ERO1B: variants seen among roughly 807,000 people sequenced by gnomAD.
The protein encoded by ERO1B is ERO1-like protein beta.
Under a neutral mutation model 75.3 loss-of-function variants are expected in ERO1B, and 49 were observed. The observed-to-expected ratio is 0.65, with a 90% confidence interval of 0.52 to 0.83. ERO1B has a LOEUF of 0.83. Ranked by LOEUF, ERO1B falls within the 40% of genes least tolerant of loss-of-function variation. The probability of loss-of-function intolerance (pLI) is 0.00; values close to 1 mark genes in which losing one functional copy is unlikely to be tolerated. For missense variants in ERO1B, 512 were observed against 560.1 expected, an observed-to-expected ratio of 0.91 and a Z score of 0.87; for synonymous variants, 191 against 192.9, an observed-to-expected ratio of 0.99 and a Z score of 0.08.
chr1:236,278,993 C>T (rs940782074), intron 1 of ERO1B, among the ~76,000 whole-genome samples: 2 of 152,290 alleles, frequency 1.3e-5, no homozygotes, highest in South Asian at 2.1e-4. Flanking sequence ...CTGAATTCCA[C>T]TTTTTGATTT....
chr1:236,229,098 A>G (rs927690388), intron 10 of ERO1B, among the ~76,000 whole-genome samples: 23 of 152,206 alleles, frequency 1.5e-4, no homozygotes, highest in African/African-American at 2.4e-5. Flanking sequence ...TGTTCACCTT[A>G]ATAATGGCCA....
intron 4 of ERO1B, among the ~76,000 whole-genome samples, chr1:236,250,923 T>C (rs1376909605): frequency 6.6e-6 from 1 of 152,014 alleles, no homozygotes; most frequent in African/African-American, 2.4e-5. Flanking sequence ...CCTTTACAGG[T>C]AGACCTAGAG....
chr1:236,223,930 G>T (rs754632023), intron 13 of ERO1B, among the ~76,000 whole-genome samples: 1 of 152,032 alleles, frequency 6.6e-6, no homozygotes, highest in African/African-American at 2.4e-5. Flanking sequence ...AGAAAGTCTC[G>T]CCAAAGGAGA....
At chr1:236,239,013 T>C (rs551373533) in intron 6 of ERO1B, among the ~76,000 whole-genome samples, 2 of 152,120 alleles carry the variant, frequency 1.3e-5, no homozygotes, top group Non-Finnish European at 2.9e-5. Context: ...CTCGAACTCC[T>C]GAGCTCAAGC....
chr1:236,276,378 C>A (rs12068477), intron 1 of ERO1B, among the ~76,000 whole-genome samples: 6,086 of 152,222 alleles, frequency 0.04, 372 homozygotes, highest in African/African-American at 0.14. Flanking sequence ...AGAGTACAAG[C>A]TTTGAACCCT....
chr1:236,239,135 G>A (rs1050324592), intron 6 of ERO1B, among the ~76,000 whole-genome samples: 2 of 152,032 alleles, frequency 1.3e-5, no homozygotes, highest in Non-Finnish European at 2.9e-5. Flanking sequence ...CATTTTCAAT[G>A]TTCTTAATGT....
At chr1:236,239,875 A>ATG (rs1664650497) in intron 6 of ERO1B, among the ~76,000 whole-genome samples, 1 of 123,640 alleles carries the variant, frequency 8.1e-6, no homozygotes, top group Non-Finnish European at 1.6e-5. Flanking sequence ...ATATATGTGT[A>ATG]TATGTGTGTG....
chr1:236,218,934 T>C (rs1195063331), intron 15 of ERO1B, among the ~76,000 whole-genome samples: 3 of 152,180 alleles, frequency 2.0e-5, no homozygotes, highest in Non-Finnish European at 2.9e-5. Flanking sequence ...ATTTGTCTTA[T>C]GTTGTTAGCT....
chr1:236,269,676 G>A (rs1472123005), intron 2 of ERO1B, among the ~76,000 whole-genome samples, 199 bp downstream of exon 2: 1 of 152,116 alleles, frequency 6.6e-6, no homozygotes, highest in Non-Finnish European at 1.5e-5. Context: ...GAAAAATGAG[G>A]AACTCCCCAT....
intron 5 of ERO1B, among the ~76,000 whole-genome samples, chr1:236,246,314 T>C (rs2764568): frequency 0.96 from 146,394 of 152,158 alleles, 70,676 homozygotes; most frequent in East Asian, 1. Context: ...GACTATAGGC[T>C]CATGCCACTG....
chr1:236,250,037 TAATC>T (rs990679866), intron 4 of ERO1B, 70 bp from the exon 5 acceptor site: 8 of 1,013,840 alleles, frequency 7.9e-6, no homozygotes, highest in Non-Finnish European at 1.2e-5. Context: ...ATTGGCAGAA[TAATC>T]AATCTGTCAA....
At position 236,269,927 on chromosome 1, in the gene ERO1B, AT is replaced by A. The variant is rs1254507583; in HGVS notation, c.169del (p.Ile57SerfsTer5). On this transcript the variant is annotated frameshift_variant, in exon 2 of 16. Transcript: ENST00000354619. LOFTEE classifies it high-confidence loss of function. ...DSIDNFNTYK[I>X]FPKIKKLQER... is the part of the protein sequence containing the mutation. ...TTGCAATTTTTTTATTTTGGGGAAG[AT>A]TTTGTAGGTATTGAAGTTATCGATG... 6.2e-7 allele frequency: 1 copy of A among 1,605,288 alleles called. No individual in the cohort carries two copies. Among genetic ancestry groups the A allele is most frequent in the Admixed American group, 1.7e-5 (1 of 59,980 alleles).
chr1:236,217,064 A>G lies in ERO1B; in HGVS notation c.*1452T>C, dbSNP rs557244057. 1.3e-5 allele frequency: 2 copies of G among 152,208 alleles called. No homozygotes were observed. Among genetic ancestry groups the G allele is most frequent in the South Asian group, 4.2e-4 (2 of 4,816 alleles). The allele number at this position is 152,208 out of a possible 1,614,324, so 9.4% of individuals were successfully genotyped here. On this transcript the variant is annotated 3_prime_UTR_variant, in exon 16 of 16. Coordinates refer to ENST00000354619, the MANE Select transcript of ERO1B (RefSeq NM_019891.4). Reference sequence around the variant, plus strand: ...ACATCCCACCAAGAGATGGCTAAGTATTTTTAAGAGGGGTGAGCCAAGCCA... The same window carrying G: ...ACATCCCACCAAGAGATGGCTAAGTGTTTTTAAGAGGGGTGAGCCAAGCCA...
intron 15 of ERO1B, among the ~76,000 whole-genome samples, chr1:236,219,680 T>C (rs541625709): frequency 6.6e-6 from 1 of 152,104 alleles, no homozygotes; most frequent in East Asian, 1.9e-4. Flanking sequence ...TCAACCTACA[T>C]AGTCATCTTT....
At chr1:236,248,091 C>T (rs1309637429) in intron 5 of ERO1B, among the ~76,000 whole-genome samples, 6 of 152,088 alleles carry the variant, frequency 3.9e-5, no homozygotes, top group South Asian at 2.1e-4. Context: ...TCAAGTTGCA[C>T]GAGGGCGGAA....
At chr1:236,254,357 GT>G (rs908760800) in intron 2 of ERO1B, among the ~76,000 whole-genome samples, 81 of 152,176 alleles carry the variant, frequency 5.3e-4, no homozygotes, top group African/African-American at 1.7e-3. Flanking sequence ...TATTGCAATA[GT>G]CTCCCTGCTT....
intron 5 of ERO1B, among the ~76,000 whole-genome samples, chr1:236,245,731 G>A (rs568517320): frequency 1.5e-3 from 215 of 147,540 alleles, no homozygotes; most frequent in African/African-American, 4.0e-3. Flanking sequence ...GATTACAGGC[G>A]TCTGCCACCA....
intron 1 of ERO1B, among the ~76,000 whole-genome samples, chr1:236,276,613 G>A (rs188549246): frequency 5.9e-5 from 9 of 152,290 alleles, no homozygotes; most frequent in Non-Finnish European, 1.2e-4. Flanking sequence ...GGAGGACATC[G>A]GCGACCTTGC....
chr1:236,221,777 T>A (rs201381028), intron 14 of ERO1B, 147 bp downstream of exon 14: 6 of 583,582 alleles, frequency 1.0e-5, no homozygotes, highest in African/African-American at 2.5e-5. Flanking sequence ...ATACTTTAAT[T>A]TTTTCATCAA....
Sources: gnomAD v4.1 joint callset for allele counts (sites outside exome capture counted in the v4.1 genomes callset) on GRCh38, gnomAD v4.1.1 for gene constraint, MANE v1.5 for transcripts, NCBI Gene and HGNC (gene_info 2026-07-23, HGNC 2026-07-21) for gene names.